The following PTPN13 variants were observed in gnomAD, a reference collection of about 807,000 sequenced individuals.
The protein encoded by PTPN13 is tyrosine-protein phosphatase non-receptor type 13.
In PTPN13, 191 loss-of-function variants were observed where a neutral mutation model predicts 284.0. The ratio of observed to expected loss-of-function variants is 0.67; its 90% CI spans 0.60 to 0.76. The LOEUF (loss-of-function observed/expected upper bound fraction) is 0.76, where lower values mean the gene tolerates loss of function less well. Ranked by LOEUF, PTPN13 falls within the 30% of genes least tolerant of loss-of-function variation. The pLI, the probability that PTPN13 is intolerant of heterozygous loss-of-function variation, is 0.00. For synonymous variants in PTPN13, 986 were observed against 1,022.3 expected (o/e 0.96, Z 0.68); for missense variants, 2,797 against 2,939.9 (o/e 0.95, Z 1.12).
At chr4:86,745,406 T>C (rs1005582826) in intron 17 of PTPN13, among the ~76,000 whole-genome samples, 1 of 152,206 alleles carries the variant, frequency 6.6e-6, no homozygotes, top group African/African-American at 2.4e-5. Flanking sequence ...TTGGGCCATG[T>C]TCTCTACCCT....
intron 17 of PTPN13, among the ~76,000 whole-genome samples, chr4:86,746,329 G>C (rs1359045864): frequency 6.6e-6 from 1 of 152,192 alleles, no homozygotes; most frequent in Non-Finnish European, 1.5e-5. Context: ...GAAACAGTCA[G>C]AAGTATGTGA....
chr4:86,752,534 A>G (rs1282946113), intron 19 of PTPN13, among the ~76,000 whole-genome samples: 2 of 152,336 alleles, frequency 1.3e-5, no homozygotes, highest in East Asian at 1.9e-4. Context: ...AAGTGTTCAC[A>G]TATAACGGGG....
intron 2 of PTPN13, among the ~76,000 whole-genome samples, chr4:86,639,691 A>C (rs1723530897): frequency 6.6e-6 from 1 of 151,314 alleles, no homozygotes; most frequent in South Asian, 2.1e-4. Flanking sequence ...GGGTGGGGGG[A>C]AGGGGGAAGG....
chr4:86,749,041 C>G (rs996364023), intron 17 of PTPN13, among the ~76,000 whole-genome samples: 1 of 152,144 alleles, frequency 6.6e-6, no homozygotes, highest in Non-Finnish European at 1.5e-5. Flanking sequence ...ACTTCCACTT[C>G]AGAGAGAGAT....
intron 3 of PTPN13, among the ~76,000 whole-genome samples, chr4:86,676,633 T>G (rs1162749060): frequency 6.6e-6 from 1 of 152,064 alleles, no homozygotes; most frequent in African/African-American, 2.4e-5. Flanking sequence ...GGCAGATGAA[T>G]GGATAAAAAA....
intron 28 of PTPN13, among the ~76,000 whole-genome samples, chr4:86,768,448 G>A (rs949320847): frequency 1.3e-5 from 2 of 152,098 alleles, no homozygotes; most frequent in South Asian, 2.1e-4. Flanking sequence ...CTAATTGGTA[G>A]TAAGAAAATT....
At chr4:86,693,713 T>G in intron 6 of PTPN13, 39 bp downstream of exon 6, 1 of 1,395,318 alleles carries the variant, frequency 7.2e-7, no homozygotes, top group Non-Finnish European at 9.7e-7. Context: ...GGCTTTAACC[T>G]TATCCCATTG....
At chr4:86,752,517 C>G (rs1737512081) in intron 19 of PTPN13, among the ~76,000 whole-genome samples, 1 of 152,114 alleles carries the variant, frequency 6.6e-6, no homozygotes, top group Non-Finnish European at 1.5e-5. Context: ...TTAGGAAATA[C>G]TTTTCAAAGT....
intron 47 of PTPN13, among the ~76,000 whole-genome samples, chr4:86,811,668 G>C (rs1745228047): frequency 6.6e-6 from 1 of 152,144 alleles, no homozygotes; most frequent in Non-Finnish European, 1.5e-5. Context: ...TCCTTCACAG[G>C]GAGTGCCGTA....
intron 40 of PTPN13, among the ~76,000 whole-genome samples, chr4:86,788,266 A>T (rs1311792014): frequency 6.6e-6 from 1 of 152,208 alleles, no homozygotes; most frequent in African/African-American, 2.4e-5. Context: ...CCAAGCTGGT[A>T]TTCTGGAAAA....
chr4:86,782,119 T>C, intron 36 of PTPN13, 82 bp from the exon 37 acceptor site: 1 of 948,648 alleles, frequency 1.1e-6, no homozygotes, highest in Non-Finnish European at 1.7e-6. Flanking sequence ...ATCCCAGAAA[T>C]GTGAGTTTTC....
At position 86,654,266 on chromosome 4, in the gene PTPN13, T is replaced by A. The variant is rs1394729743; in HGVS notation, c.116-18099T>A. On this transcript the variant is annotated intron_variant, in intron 2 of 47. Transcript: ENST00000411767. ...TTTTTGAAAAGATCAACAAAATTGA[T>A]AGACCGCTAGCAAGACTAATAAAGG... is the stretch of plus-strand genomic sequence containing the variant. 2.0e-5 allele frequency among the ~76,000 whole-genome samples: 3 copies of A among 152,188 alleles called. No homozygotes were observed. In the East Asian group the frequency reaches 5.8e-4, roughly 29 times the overall value.
At chr4:86,745,698 C>T (rs1736668945) in intron 17 of PTPN13, among the ~76,000 whole-genome samples, 1 of 152,062 alleles carries the variant, frequency 6.6e-6, no homozygotes, top group Non-Finnish European at 1.5e-5. Context: ...ATCACTTGAA[C>T]CTGGGAGGCG....
intron 1 of PTPN13, among the ~76,000 whole-genome samples, chr4:86,618,759 A>AT (rs1020206582): frequency 8.5e-5 from 13 of 152,274 alleles, no homozygotes; most frequent in Admixed American, 8.5e-4. Flanking sequence ...AATACTTGTG[A>AT]TTTTTGTACA....
chr4:86,692,387 CT>C (rs1730120623), intron 5 of PTPN13, among the ~76,000 whole-genome samples: 1 of 152,138 alleles, frequency 6.6e-6, no homozygotes, highest in South Asian at 2.1e-4. Context: ...ATGCTTGAGC[CT>C]TGAATATACC....
chr4:86,632,455 C>T (rs1416925629), intron 1 of PTPN13, among the ~76,000 whole-genome samples: 2 of 152,050 alleles, frequency 1.3e-5, no homozygotes, highest in African/African-American at 4.8e-5. Flanking sequence ...TAAGGCTGGC[C>T]CTTTTTCTTC....
rs577559141 is a variant in PTPN13, at chr4:86,597,485, A to G, written c.-6+2696A>G. Among the ~76,000 whole-genome samples the G allele has an allele frequency of 1.1e-3, 174 of 152,340 alleles. 2 individuals are homozygous for G. The Middle Eastern group carries it at 0.014, about 12-fold the overall frequency. On this transcript the variant is annotated intron_variant, in intron 1 of 47. Transcript: ENST00000411767. ...CTAAAAGATAGCTTTTAATGAGTAC[A>G]TTAATGTAGGACTTTTAATGGCTTA... is the stretch of plus-strand genomic sequence containing the variant.
At chr4:86,720,634 T>A (rs1733549838) in intron 9 of PTPN13, among the ~76,000 whole-genome samples, 1 of 152,182 alleles carries the variant, frequency 6.6e-6, no homozygotes, top group African/African-American at 2.4e-5. Context: ...CAGAACACAC[T>A]CTGATAATAT....
At chr4:86,604,373 A>T (rs894539764) in intron 1 of PTPN13, among the ~76,000 whole-genome samples, 1 of 152,074 alleles carries the variant, frequency 6.6e-6, no homozygotes, top group Non-Finnish European at 1.5e-5. Context: ...TTCCCTCTTC[A>T]ATTGTGTTAC....
Sources: gnomAD v4.1 joint callset for allele counts (sites outside exome capture counted in the v4.1 genomes callset) on GRCh38, gnomAD v4.1.1 for gene constraint, MANE v1.5 for transcripts, NCBI Gene and HGNC (gene_info 2026-07-23, HGNC 2026-07-21) for gene names.